Variants in CYLD observed in about 807,000 individuals in gnomAD.
The protein encoded by CYLD is CYLD lysine 63 deubiquitinase.
In CYLD, 26 loss-of-function variants were observed where a neutral mutation model predicts 104.5. The ratio of observed to expected loss-of-function variants is 0.25; its 90% CI spans 0.18 to 0.35. CYLD has a LOEUF of 0.35. Ranked by LOEUF, CYLD falls within the 10% of genes least tolerant of loss-of-function variation. The probability of loss-of-function intolerance (pLI) is 1.00; values close to 1 mark genes in which losing one functional copy is unlikely to be tolerated. For missense variants in CYLD, 703 were observed against 1,136.1 expected (o/e 0.62, Z 5.48); for synonymous variants, 385 against 399.9 (o/e 0.96, Z 0.45).
intron 7 of CYLD, among the ~76,000 whole-genome samples, chr16:50,777,327 A>G (rs1251860368): frequency 6.6e-6 from 1 of 152,164 alleles, no homozygotes; most frequent in African/African-American, 2.4e-5. Flanking sequence ...TGATTTTTTC[A>G]AAGACACAAG....
chr16:50,784,011 C>G (rs935889445), intron 11 of CYLD: 2 of 331,358 alleles, frequency 6.0e-6, no homozygotes, highest in African/African-American at 4.3e-5. Context: ...TATTTGTAGT[C>G]TCTCTATCAA....
rs145453711 is a variant in CYLD at position 50,754,951 on chromosome 16, A to G, written c.913+527A>G. Among the ~76,000 whole-genome samples the G allele has an allele frequency of 3.2e-3, 464 of 144,560 alleles. 21 individuals are homozygous for G. Among genetic ancestry groups the G allele is most frequent in the African/African-American group, 0.012 (438 of 37,756 alleles). 94.8% of individuals were successfully genotyped at this position (144,560 alleles called of 152,430 possible). ...TACACACATATGTATATATACACAC[A>G]TATATACATATACACACATATATGT... On this transcript the variant is annotated intron_variant, in intron 5 of 18. Coordinates refer to ENST00000427738, the MANE Select transcript of CYLD (RefSeq NM_001378743.1).
chr16:50,749,186 G>C (rs1404367543), intron 2 of CYLD, among the ~76,000 whole-genome samples: 1 of 152,158 alleles, frequency 6.6e-6, no homozygotes, highest in Admixed American at 6.6e-5. Context: ...TGGGCAACAA[G>C]AGTGAGACCC....
At position 50,747,593 on chromosome 16, in the gene CYLD, G is replaced by C. The variant is rs145655075; in HGVS notation, c.-123-1983G>C. Among the ~76,000 whole-genome samples the C allele has an allele frequency of 7.2e-5, 11 of 152,324 alleles. No individual in the cohort carries two copies. The East Asian group carries it at 2.1e-3, about 29-fold the overall frequency. Reference sequence around the variant, plus strand: ...TTGGTCAAAAAGAACCAACACTTCAGTTTGGTCCTTTAAAGGAATCCAACC... The same window carrying C: ...TTGGTCAAAAAGAACCAACACTTCACTTTGGTCCTTTAAAGGAATCCAACC... On this transcript the variant is annotated intron_variant, in intron 2 of 18. Transcript: ENST00000427738.
At chr16:50,791,473 TC>T (rs1971425409) in intron 14 of CYLD, 84 bp from the exon 15 acceptor site, 5 of 1,476,232 alleles carry the variant, frequency 3.4e-6, no homozygotes, top group Non-Finnish European at 4.7e-6. Context: ...TTTTCTGTTC[TC>T]AAATACTGCT....
chr16:50,790,853 CCTT>C (rs770321126), intron 14 of CYLD, among the ~76,000 whole-genome samples: 3 of 152,070 alleles, frequency 2.0e-5, no homozygotes, highest in East Asian at 1.9e-4. Flanking sequence ...GATTATTAGT[CCTT>C]CTGGTAGAGT....
intron 12 of CYLD, chr16:50,785,702 T>C (rs1025625937): frequency 6.6e-6 from 1 of 152,198 alleles, no homozygotes; most frequent in African/African-American, 2.4e-5. Flanking sequence ...CTGTCCACGG[T>C]AAGAAACTGG....
chr16:50,761,465 A>G (rs1229257256), intron 5 of CYLD, among the ~76,000 whole-genome samples: 1 of 152,136 alleles, frequency 6.6e-6, no homozygotes, highest in African/African-American at 2.4e-5. Flanking sequence ...CTTTCCCTCC[A>G]GCCTCTGCTC....
In CYLD at chr16:50,771,955, C is replaced by T. The variant is rs535494889; in HGVS notation, c.914-3211C>T. Among the ~76,000 whole-genome samples the T allele has an allele frequency of 5.0e-4, 76 of 152,274 alleles. 1 individual carries two copies. Among genetic ancestry groups the T allele is most frequent in the Middle Eastern group, 6.8e-3 (2 of 294 alleles). On this transcript the variant is annotated intron_variant, in intron 5 of 18. Transcript: ENST00000427738. ...GCCCATACCACAGTCTCGATCACTG[C>T]GGCTAACTAGTAAGTCTTGCAATCT...
intron 4 of CYLD, 113 bp downstream of exon 4, chr16:50,752,019 TATA>T: frequency 4.2e-5 from 12 of 286,258 alleles, no homozygotes; most frequent in South Asian, 1.2e-4. Context: ...CATATATATG[TATA>T]GTTTATATAT....
chr16:50,754,842 A>G (rs1966852551), intron 5 of CYLD, among the ~76,000 whole-genome samples: 1 of 150,490 alleles, frequency 6.6e-6, no homozygotes, highest in Non-Finnish European at 1.5e-5. Context: ...GTAGTATTCC[A>G]TGGTGTATGT....
At chr16:50,791,738 C>T in intron 15 of CYLD, 48 bp downstream of exon 15, 5 of 1,597,798 alleles carry the variant, frequency 3.1e-6, no homozygotes, top group Non-Finnish European at 4.3e-6. Flanking sequence ...CTGTGGGAGT[C>T]TTAAGACTAT....
rs116381527 is a variant in CYLD, at chr16:50,790,335, C to T, written c.2109-1223C>T. Among the ~76,000 whole-genome samples the T allele has an allele frequency of 5.1e-3, 772 of 152,270 alleles. 18 individuals are homozygous for T. The highest frequency in any genetic ancestry group is 0.018 in the African/African-American group (728 of 41,560). ...CCATCCTCATTTCTGCCTTCTTTCCCTCAGTGTTTGCAATGCAGTGGTCCG... is the reference window on the plus strand; with the variant it reads ...CCATCCTCATTTCTGCCTTCTTTCCTTCAGTGTTTGCAATGCAGTGGTCCG... On this transcript the variant is annotated intron_variant, in intron 14 of 18. Coordinates refer to ENST00000427738, the MANE Select transcript of CYLD (RefSeq NM_001378743.1).
intron 5 of CYLD, among the ~76,000 whole-genome samples, chr16:50,757,837 A>G (rs1967443074): frequency 6.6e-6 from 1 of 152,208 alleles, no homozygotes; most frequent in Non-Finnish European, 1.5e-5. Context: ...CGCCCGGCCT[A>G]GTTTTTCATG....
chr16:50,785,615 A>G (rs1243015877), intron 12 of CYLD: 1 of 152,208 alleles, frequency 6.6e-6, no homozygotes, highest in East Asian at 1.9e-4. Flanking sequence ...TCCTTCCTAG[A>G]AGAGAGGAAG....
intron 2 of CYLD, among the ~76,000 whole-genome samples, chr16:50,745,229 A>C (rs1465101855): frequency 6.6e-6 from 1 of 152,066 alleles, no homozygotes; most frequent in East Asian, 1.9e-4. Context: ...CCCTACGGTG[A>C]CTTTGAATTT....
rs370201284 is a variant in CYLD at position 50,778,475 on chromosome 16, G to T, written c.1138+534G>T. 6.0e-4 allele frequency among the ~76,000 whole-genome samples: 91 copies of T among 152,340 alleles called. 1 individual carries two copies. Among genetic ancestry groups the T allele is most frequent in the African/African-American group, 2.1e-3 (89 of 41,580 alleles). On this transcript the variant is annotated intron_variant, in intron 8 of 18. Coordinates refer to ENST00000427738, the MANE Select transcript of CYLD (RefSeq NM_001378743.1). ...CAGACACAGTAGAGTTGCCTTGGTGGTGTGTGCAGTGAAGGTGCATGATGC... is the reference window on the plus strand; with the variant it reads ...CAGACACAGTAGAGTTGCCTTGGTGTTGTGTGCAGTGAAGGTGCATGATGC...
chr16:50,766,502 G>A (rs1373431083), intron 5 of CYLD, among the ~76,000 whole-genome samples: 1 of 152,322 alleles, frequency 6.6e-6, no homozygotes. Context: ...GGATCAAGGA[G>A]TAATTTCTAT....
Position 50,743,731 on chromosome 16 carries a change from A to T in CYLD, c.-124+890A>T, listed in dbSNP as rs141834140. 2.0e-5 allele frequency among the ~76,000 whole-genome samples: 3 copies of T among 152,226 alleles called. No homozygotes were observed. The East Asian group carries it at 5.8e-4, about 29-fold the overall frequency. On this transcript the variant is annotated intron_variant, in intron 2 of 18. Transcript: ENST00000427738. ...GTTGTACAGAATTTATAAGCATCAT[A>T]CATGCTAGTTGAGGCTGTAGGAAGC...
Sources: allele counts gnomAD v4.1 joint callset (sites outside exome capture counted in the v4.1 genomes callset), GRCh38; gene constraint gnomAD v4.1.1; transcripts MANE v1.5; gene names NCBI Gene and HGNC (gene_info 2026-07-23, HGNC 2026-07-21).